Variants in SLC25A30 observed in about 807,000 individuals in gnomAD.
SLC25A30 encodes solute carrier family 25 member 30, also known as kidney mitochondrial carrier protein 1.
Under a neutral mutation model 42.7 loss-of-function variants are expected in SLC25A30, and 29 were observed. That is an observed-to-expected ratio of 0.68 (90% CI 0.51 to 0.93). The LOEUF (loss-of-function observed/expected upper bound fraction) is 0.93. Ranked by LOEUF, SLC25A30 falls within the 40% of genes least tolerant of loss-of-function variation. The pLI is 0.00. For missense variants in SLC25A30, 300 were observed against 359.7 expected, an observed-to-expected ratio of 0.83 and a Z score of 1.34; for synonymous variants, 124 against 131.0, an observed-to-expected ratio of 0.95 and a Z score of 0.37.
At chr13:45,396,346 GT>G in intron 9 of SLC25A30, 1 of 1,095,898 alleles carries the variant, frequency 9.1e-7, no homozygotes, top group Non-Finnish European at 1.1e-6. Flanking sequence ...GAGAGAGAGA[GT>G]TAGCAAGCCC....
intron 4 of SLC25A30, 61 bp downstream of exon 4, chr13:45,405,822 T>G: frequency 6.6e-7 from 1 of 1,510,690 alleles, no homozygotes; most frequent in Admixed American, 1.7e-5. Flanking sequence ...CCAAAACCAC[T>G]TGAATAAAAA....
rs755322924 is a variant in SLC25A30, at chr13:45,396,027, G to A, written c.835-12C>T. 2.5e-6 allele frequency: 4 copies of A among 1,613,978 alleles called. No homozygotes were observed. Among genetic ancestry groups the A allele is most frequent in the African/African-American group, 1.3e-5 (1 of 74,884 alleles). On this transcript the variant is annotated splice_polypyrimidine_tract_variant and intron_variant, in intron 9 of 9. Transcript: ENST00000519676. ...TATGTCACAAAGAACTGTGGTTATG[G>A]GTTAAGGATGACACAGAAAATGCCA... is the stretch of plus-strand genomic sequence containing the variant.
chr13:45,423,512 A>C, the SLC25A30 span, among the ~76,000 whole-genome samples: 5 of 129,888 alleles, frequency 3.8e-5, no homozygotes, highest in Non-Finnish European at 1.6e-5. Flanking sequence ...AGAATAGTTT[A>C]TATATATATA....
At chr13:45,424,827 A>T in the SLC25A30 span, among the ~76,000 whole-genome samples, 23 of 54,882 alleles carry the variant, frequency 4.2e-4, 1 homozygote, top group African/African-American at 1.8e-3. Flanking sequence ...AATATATAAA[A>T]ATATATATAT....
At chr13:45,425,895 G>A in the SLC25A30 span, among the ~76,000 whole-genome samples, 1 of 146,992 alleles carries the variant, frequency 6.8e-6, no homozygotes, top group African/African-American at 2.5e-5. Context: ...GTTTCATCAT[G>A]TTGGCCAGGC....
chr13:45,407,937 A>G (rs1003284616), intron 3 of SLC25A30, among the ~76,000 whole-genome samples: 1 of 152,130 alleles, frequency 6.6e-6, no homozygotes, highest in Non-Finnish European at 1.5e-5. Flanking sequence ...CCCAAAACCA[A>G]TTCAGATCCT....
At chr13:45,424,043 ATATATAAATC>A in the SLC25A30 span, among the ~76,000 whole-genome samples, 4 of 88,408 alleles carry the variant, frequency 4.5e-5, no homozygotes, top group Non-Finnish European at 8.1e-5. Context: ...TTATATAAAT[ATATATAAATC>A]TATAAAAATA....
In SLC25A30 at chr13:45,408,974, T is replaced by C. The variant is rs1376500824; in HGVS notation, c.165A>G (p.Ala55=). The C allele has an allele frequency of 1.2e-6, 2 of 1,613,548 alleles. No individual in the cohort carries two copies. Among genetic ancestry groups the C allele is most frequent in the South Asian group, 1.1e-5 (1 of 90,922 alleles). Residue 55 remains alanine, a synonymous_variant, in exon 3 of 10, where the codon GCA becomes GCG. Transcript: ENST00000519676. The stretch of plus-strand genomic sequence containing the variant: ...CTTCTTCTCTGCCTATCCTCACTAA[T>C]GCGTGCAACATTCCTCGGTATCTAA... The part of the protein sequence containing the change: ...KEIRYRGMLH[A]LVRIGREEGL...
chr13:45,418,656 C>T (rs1321434599), upstream of SLC25A30: 2 of 152,122 alleles, frequency 1.3e-5, no homozygotes, highest in Non-Finnish European at 2.9e-5. Flanking sequence ...ATTTGGGGAA[C>T]GCATCGAGAA....
In SLC25A30 at chr13:45,411,474, G is replaced by A. The variant is rs746976840; in HGVS notation, c.-49C>T. 5 of 1,578,378 alleles carry A rather than the reference G, an allele frequency of 3.2e-6. No individual in the cohort carries two copies. Among genetic ancestry groups the A allele is most frequent in the South Asian group, 2.2e-5 (2 of 90,040 alleles). ...TTATAGAAACATTGCCTCCAGTGCT[G>A]TTTTTCCTGGACACAACAATAAGAT... On this transcript the variant is annotated 5_prime_UTR_variant, in exon 2 of 10. Coordinates refer to ENST00000519676, the MANE Select transcript of SLC25A30 (RefSeq NM_001010875.4).
the SLC25A30 span, among the ~76,000 whole-genome samples, chr13:45,423,555 A>C: frequency 2.1e-5 from 1 of 47,310 alleles, no homozygotes; most frequent in Non-Finnish European, 5.1e-5. Flanking sequence ...TAAATACATA[A>C]AAAAAATATA....
At chr13:45,416,494 T>TA (rs1241822411) in intron 1 of SLC25A30, among the ~76,000 whole-genome samples, 1 of 152,046 alleles carries the variant, frequency 6.6e-6, no homozygotes, top group Non-Finnish European at 1.5e-5. Flanking sequence ...TTAGCTGGGC[T>TA]AGTCACACAT....
At chr13:45,423,659 AT>A in the SLC25A30 span, among the ~76,000 whole-genome samples, 2 of 64,522 alleles carry the variant, frequency 3.1e-5, 1 homozygote, top group Non-Finnish European at 5.3e-5. Flanking sequence ...ATTTATATAA[AT>A]ATATATAAAA....
upstream of SLC25A30, among the ~76,000 whole-genome samples, chr13:45,419,889 C>CGCTGCACTCTAGCTGCTGCACTCTAGCT (rs1342757782): frequency 0.018 from 2,700 of 151,240 alleles, 98 homozygotes; most frequent in African/African-American, 0.062. Context: ...GAGATCACGC[C>CGCTGCACTCTAGCTGCTGCACTCTAGCT]GCTGCACTCT....
the SLC25A30 span, among the ~76,000 whole-genome samples, chr13:45,423,631 A>AT: frequency 9.4e-6 from 1 of 106,054 alleles, no homozygotes; most frequent in Non-Finnish European, 1.8e-5. Context: ...TATATATATA[A>AT]ATATATATAA....
At chr13:45,426,620 G>A in the SLC25A30 span, among the ~76,000 whole-genome samples, 1 of 152,096 alleles carries the variant, frequency 6.6e-6, no homozygotes, top group Non-Finnish European at 1.5e-5. Flanking sequence ...GGTAAAAGGG[G>A]AAATGGCACA....
chr13:45,420,575 A>G (rs535154018), upstream of SLC25A30, among the ~76,000 whole-genome samples: 2 of 152,284 alleles, frequency 1.3e-5, no homozygotes, highest in African/African-American at 4.8e-5. Context: ...GAGCTTTTGG[A>G]CACCCAAACT....
chr13:45,423,103 G>T (rs146216230), upstream of SLC25A30, among the ~76,000 whole-genome samples: 20 of 152,224 alleles, frequency 1.3e-4, no homozygotes, highest in East Asian at 3.3e-3. Context: ...TATTCTTAGT[G>T]CTCAGCATAG....
chr13:45,399,136 C>T (rs75119407), intron 7 of SLC25A30, 58 bp from the exon 8 acceptor site: 50,367 of 1,506,932 alleles, frequency 0.033, 984 homozygotes, highest in Non-Finnish European at 0.037. Context: ...GCTACAACCA[C>T]CATCAAAGGC....
Sources: gnomAD v4.1 joint callset for allele counts (sites outside exome capture counted in the v4.1 genomes callset) on GRCh38, gnomAD v4.1.1 for gene constraint, MANE v1.5 for transcripts, NCBI Gene and HGNC (gene_info 2026-07-23, HGNC 2026-07-21) for gene names.